The following FAM216A variants were observed in gnomAD, a reference collection of about 807,000 sequenced individuals.
FAM216A encodes the protein family with sequence similarity 216 member A.
FAM216A carries 26 observed loss-of-function variants against 37.6 expected under a neutral mutation model. That is an observed-to-expected ratio of 0.69 (90% CI 0.51 to 0.96). The LOEUF (loss-of-function observed/expected upper bound fraction) is 0.96, where lower values mean the gene tolerates loss of function less well. Among genes scored for constraint, FAM216A ranks in the 40% least tolerant of loss-of-function variants. FAM216A has a pLI of 0.00. For synonymous variants in FAM216A, 110 were observed against 121.7 expected (o/e 0.90, Z 0.64); for missense variants, 326 against 339.3 (o/e 0.96, Z 0.31).
chr12:110,475,248 A>T (rs1453116523), intron 2 of FAM216A, among the ~76,000 whole-genome samples: 3 of 152,040 alleles, frequency 2.0e-5, no homozygotes, highest in Non-Finnish European at 4.4e-5. Flanking sequence ...TATTACTGTT[A>T]TTATTATTTT....
At chr12:110,468,716 C>T, upstream of FAM216A, 1 of 1,505,832 alleles carries the variant, frequency 6.6e-7, no homozygotes, top group Non-Finnish European at 8.9e-7. Flanking sequence ...GCGCTCCTGC[C>T]CCTCCCCCAC....
upstream of FAM216A, chr12:110,468,508 C>T: frequency 1.3e-6 from 2 of 1,537,308 alleles, no homozygotes; most frequent in Non-Finnish European, 1.7e-6. Context: ...GCTCCGCATC[C>T]TTGCGCCACG....
intron 1 of FAM216A, among the ~76,000 whole-genome samples, chr12:110,472,091 G>A (rs2062689946): frequency 2.0e-5 from 3 of 152,160 alleles, no homozygotes; most frequent in South Asian, 4.2e-4. Context: ...AATTAGCCGG[G>A]CGTGGTGGCG....
intron 2 of FAM216A, among the ~76,000 whole-genome samples, chr12:110,473,518 A>G (rs1243980029): frequency 1.3e-5 from 2 of 152,154 alleles, no homozygotes; most frequent in Non-Finnish European, 2.9e-5. Flanking sequence ...AGCCCACAAT[A>G]GAGTTAAAAA....
upstream of FAM216A, chr12:110,468,683 C>T: frequency 6.5e-7 from 1 of 1,530,354 alleles, no homozygotes; most frequent in Non-Finnish European, 8.8e-7. Context: ...GAGGTGCAAA[C>T]GTGCAAACGC....
chr12:110,486,862 G>A (rs111952644), intron 5 of FAM216A, 145 bp downstream of exon 5: 4 of 710,566 alleles, frequency 5.6e-6, no homozygotes, highest in African/African-American at 3.6e-5. Context: ...CTCAAGCAAT[G>A]CTCCTGCCTC....
intron 1 of FAM216A, chr12:110,469,239 G>T: frequency 2.0e-6 from 1 of 494,100 alleles, no homozygotes; most frequent in Non-Finnish European, 3.3e-6. Flanking sequence ...GGAAGCTTCG[G>T]AGGAGCGTTT....
At chr12:110,489,081 A>C (rs1159170341) in intron 6 of FAM216A, among the ~76,000 whole-genome samples, 1 of 152,238 alleles carries the variant, frequency 6.6e-6, no homozygotes, top group East Asian at 1.9e-4. Context: ...TACCACAAGA[A>C]CAAAATACTG....
At chr12:110,473,980 A>G (rs1037169978) in intron 2 of FAM216A, among the ~76,000 whole-genome samples, 1 of 152,134 alleles carries the variant, frequency 6.6e-6, no homozygotes, top group Non-Finnish European at 1.5e-5. Context: ...AGTAGTTATA[A>G]TAGGTTTTAA....
chr12:110,472,002 C>G (rs1243103117), intron 1 of FAM216A, among the ~76,000 whole-genome samples: 1 of 151,722 alleles, frequency 6.6e-6, no homozygotes, highest in South Asian at 2.1e-4. Flanking sequence ...GAGGCTGAGG[C>G]GGGCGAATCA....
intron 1 of FAM216A, among the ~76,000 whole-genome samples, chr12:110,472,688 A>T (rs2062693166): frequency 6.6e-6 from 1 of 152,104 alleles, no homozygotes; most frequent in South Asian, 2.1e-4. Flanking sequence ...CCTTTTTTAA[A>T]ATTTGAAATA....
At chr12:110,488,694 G>A (rs968165151) in intron 6 of FAM216A, among the ~76,000 whole-genome samples, 1 of 152,080 alleles carries the variant, frequency 6.6e-6, no homozygotes, top group Non-Finnish European at 1.5e-5. Context: ...TGGGGAATAT[G>A]TTCCAAGACC....
At chr12:110,475,936 C>T (rs2062712395) in intron 2 of FAM216A, among the ~76,000 whole-genome samples, 1 of 151,814 alleles carries the variant, frequency 6.6e-6, no homozygotes, top group African/African-American at 2.4e-5. Context: ...AGGAGTCTTG[C>T]CAAGTTGCCC....
At chr12:110,482,964 TAGAA>T (rs1324766248) in intron 2 of FAM216A, among the ~76,000 whole-genome samples, 1 of 151,910 alleles carries the variant, frequency 6.6e-6, no homozygotes, top group Non-Finnish European at 1.5e-5. Context: ...TCTATGGTAA[TAGAA>T]AGCACATCAG....
intron 6 of FAM216A, among the ~76,000 whole-genome samples, chr12:110,488,636 A>G (rs1482285744): frequency 2.0e-5 from 3 of 152,132 alleles, no homozygotes; most frequent in Non-Finnish European, 2.9e-5. Flanking sequence ...TATAGCATCT[A>G]TTAGTTTACA....
At chr12:110,471,828 T>C (rs1186360309) in intron 1 of FAM216A, among the ~76,000 whole-genome samples, 1 of 152,200 alleles carries the variant, frequency 6.6e-6, no homozygotes, top group Admixed American at 6.5e-5. Flanking sequence ...AATTGCAGGA[T>C]GAGGATCAGT....
chr12:110,468,577 G>C (rs1220617625), upstream of FAM216A: 5 of 1,537,110 alleles, frequency 3.3e-6, no homozygotes, highest in Non-Finnish European at 4.4e-6. Context: ...CTCGCGATTT[G>C]CAAATGTGCT....
chr12:110,480,712 T>A (rs1288817689), intron 2 of FAM216A, among the ~76,000 whole-genome samples: 2 of 152,142 alleles, frequency 1.3e-5, no homozygotes, highest in African/African-American at 4.8e-5. Flanking sequence ...AAAGTTTTCA[T>A]CTTCCCAAAC....
intron 6 of FAM216A, among the ~76,000 whole-genome samples, chr12:110,488,215 G>A (rs766303661): frequency 2.0e-5 from 3 of 151,976 alleles, no homozygotes; most frequent in East Asian, 1.9e-4. Context: ...TTCGAGACCC[G>A]CCTGGCCAAC....
Sources: gnomAD v4.1 joint callset for allele counts (sites outside exome capture counted in the v4.1 genomes callset) on GRCh38, gnomAD v4.1.1 for gene constraint, MANE v1.5 for transcripts, NCBI Gene and HGNC (gene_info 2026-07-23, HGNC 2026-07-21) for gene names.